Variants in RAB3C observed in about 807,000 individuals in gnomAD.
RAB3C encodes the protein RAB3C, member RAS oncogene family.
In RAB3C, 17 loss-of-function variants were observed where a neutral mutation model predicts 26.4. The ratio of observed to expected loss-of-function variants is 0.64; its 90% confidence interval spans 0.44 to 0.97. The LOEUF (loss-of-function observed/expected upper bound fraction) is 0.97, where lower values mean the gene tolerates loss of function less well. RAB3C is among the 50% of genes least tolerant of loss of function. The pLI is 0.00. For synonymous variants in RAB3C, 91 were observed against 95.9 expected, an observed-to-expected ratio of 0.95 and a Z score of 0.30; for missense variants, 242 against 281.9, an observed-to-expected ratio of 0.86 and a Z score of 1.01.
intron 1 of RAB3C, among the ~76,000 whole-genome samples, chr5:58,616,272 G>T (rs965288233): frequency 2.0e-5 from 3 of 152,124 alleles, no homozygotes; most frequent in African/African-American, 7.2e-5. Context: ...CTGCTATTTT[G>T]CACTTGAAAT....
intron 2 of RAB3C, among the ~76,000 whole-genome samples, chr5:58,690,926 G>C (rs1748558020): frequency 6.6e-6 from 1 of 152,040 alleles, no homozygotes; most frequent in African/African-American, 2.4e-5. Context: ...CATTTAAAAA[G>C]TATAGCAATT....
chr5:58,659,650 T>C (rs1370864556), intron 2 of RAB3C, among the ~76,000 whole-genome samples: 1 of 152,204 alleles, frequency 6.6e-6, no homozygotes, highest in Non-Finnish European at 1.5e-5. Context: ...CCAAGCTTCA[T>C]TTCCCCCACT....
chr5:58,585,998 A>C (rs1746000514), intron 1 of RAB3C, among the ~76,000 whole-genome samples: 1 of 152,066 alleles, frequency 6.6e-6, no homozygotes, highest in Non-Finnish European at 1.5e-5. Flanking sequence ...AGTTCTCATG[A>C]CTTGAGGACA....
chr5:58,584,606 A>G (rs950050537), intron 1 of RAB3C, among the ~76,000 whole-genome samples: 1 of 152,208 alleles, frequency 6.6e-6, no homozygotes, highest in Non-Finnish European at 1.5e-5. Context: ...TAAATTAATC[A>G]TATTTAATTA....
At position 58,744,667 on chromosome 5, in the gene RAB3C, A is replaced by T. The variant is rs186564470; in HGVS notation, c.371+18547A>T. Among the ~76,000 whole-genome samples the T allele has an allele frequency of 2.3e-4, 35 of 152,320 alleles. 1 individual carries two copies. Among genetic ancestry groups the T allele is most frequent in the Admixed American group, 1.4e-3 (21 of 15,302 alleles). ...TCTGAATTGGCACAGGGGAATGGTCATGTTTGTGGTTTTTCAAATATTATG... is the reference window on the plus strand; with the variant it reads ...TCTGAATTGGCACAGGGGAATGGTCTTGTTTGTGGTTTTTCAAATATTATG... On this transcript the variant is annotated intron_variant, in intron 3 of 4. Coordinates refer to ENST00000282878, the MANE Select transcript of RAB3C (RefSeq NM_138453.4).
At chr5:58,616,699 C>T (rs995457051) in intron 1 of RAB3C, among the ~76,000 whole-genome samples, 2 of 152,186 alleles carry the variant, frequency 1.3e-5, no homozygotes, top group Non-Finnish European at 2.9e-5. Flanking sequence ...CCCATTTCAT[C>T]TAAGGCAGGA....
chr5:58,680,520 A>G (rs774484398), intron 2 of RAB3C, among the ~76,000 whole-genome samples: 40 of 152,216 alleles, frequency 2.6e-4, no homozygotes, highest in Non-Finnish European at 4.7e-4. Context: ...ATCACCACAA[A>G]CTTATGGCAT....
chr5:58,837,283 G>A (rs1245299190), intron 4 of RAB3C, among the ~76,000 whole-genome samples: 2 of 150,838 alleles, frequency 1.3e-5, no homozygotes, highest in African/African-American at 4.9e-5. Flanking sequence ...CCAGGTTCAA[G>A]CAATTCTCCA....
At chr5:58,762,768 A>C (rs537477185) in intron 3 of RAB3C, among the ~76,000 whole-genome samples, 20 of 144,792 alleles carry the variant, frequency 1.4e-4, no homozygotes, top group Non-Finnish European at 2.1e-4. Flanking sequence ...ATAGGTGTCC[A>C]TTTATCCTTT....
At chr5:58,776,667 G>T (rs1385302687) in intron 3 of RAB3C, among the ~76,000 whole-genome samples, 1 of 152,122 alleles carries the variant, frequency 6.6e-6, no homozygotes, top group African/African-American at 2.4e-5. Flanking sequence ...TGCTTAAACA[G>T]ATAAACCACA....
At chr5:58,811,887 G>A (rs895435120) in intron 3 of RAB3C, among the ~76,000 whole-genome samples, 1 of 150,606 alleles carries the variant, frequency 6.6e-6, no homozygotes, top group Non-Finnish European at 1.5e-5. Context: ...AAGCCCCCCA[G>A]CTCTTCACCC....
At chr5:58,746,988 C>G (rs1741414897) in intron 3 of RAB3C, among the ~76,000 whole-genome samples, 1 of 152,140 alleles carries the variant, frequency 6.6e-6, no homozygotes, top group Non-Finnish European at 1.5e-5. Context: ...AAGCAACAGA[C>G]TTTTAACATT....
chr5:58,843,618 T>C (rs897298783), intron 4 of RAB3C, among the ~76,000 whole-genome samples: 1 of 152,224 alleles, frequency 6.6e-6, no homozygotes, highest in African/African-American at 2.4e-5. Flanking sequence ...AGTTCTTAGT[T>C]CAGGTGTTGA....
chr5:58,684,723 A>T (rs931742015), intron 2 of RAB3C, among the ~76,000 whole-genome samples: 1 of 152,174 alleles, frequency 6.6e-6, no homozygotes, highest in African/African-American at 2.4e-5. Context: ...TAAAACCGTT[A>T]TCTGGCTTTC....
At chr5:58,846,073 C>A (rs532361132) in intron 4 of RAB3C, among the ~76,000 whole-genome samples, 19 of 152,270 alleles carry the variant, frequency 1.2e-4, no homozygotes, top group African/African-American at 4.6e-4. Flanking sequence ...TTACACTTAG[C>A]ATAATGTCCT....
At position 58,775,695 on chromosome 5, in the gene RAB3C, AT is replaced by A. The variant is rs575335406; in HGVS notation, c.372-49334del. On this transcript the variant is annotated intron_variant, in intron 3 of 4. Coordinates refer to ENST00000282878, the MANE Select transcript of RAB3C (RefSeq NM_138453.4). ...TCCATTTGTAAAAATTGATAACTAA[AT>A]TTTTTTTTAAAATACCTATAGACCA... 2.4e-3 allele frequency among the ~76,000 whole-genome samples: 368 copies of A among 151,818 alleles called. 2 individuals are homozygous for A. Among genetic ancestry groups the A allele is most frequent in the African/African-American group, 8.6e-3 (358 of 41,444 alleles).
At chr5:58,819,515 T>A (rs2112050755) in intron 3 of RAB3C, among the ~76,000 whole-genome samples, 1 of 152,350 alleles carries the variant, frequency 6.6e-6, no homozygotes, top group Non-Finnish European at 1.5e-5. Context: ...TAGACCTTCC[T>A]ACATAAAAGA....
chr5:58,690,979 G>T (rs6892734), intron 2 of RAB3C, among the ~76,000 whole-genome samples: 7,606 of 152,028 alleles, frequency 0.05, 638 homozygotes, highest in African/African-American at 0.17. Flanking sequence ...GCTTACAGAA[G>T]ATTTTCATGT....
At chr5:58,828,805 A>G (rs1266266966) in intron 4 of RAB3C, among the ~76,000 whole-genome samples, 1 of 151,774 alleles carries the variant, frequency 6.6e-6, no homozygotes, top group Non-Finnish European at 1.5e-5. Context: ...AATTTCCAGA[A>G]CACTGGCTTT....
Sources: allele counts gnomAD v4.1 joint callset (sites outside exome capture counted in the v4.1 genomes callset), GRCh38; gene constraint gnomAD v4.1.1; transcripts MANE v1.5; gene names NCBI Gene and HGNC (gene_info 2026-07-23, HGNC 2026-07-21).